The following ZNF385D variants were observed in gnomAD, a reference collection of about 807,000 sequenced individuals.
The protein encoded by ZNF385D is zinc finger protein 385D, also known as zinc finger protein 659.
In ZNF385D, 15 loss-of-function variants were observed where a neutral mutation model predicts 35.8. The observed-to-expected ratio is 0.42, with a 90% CI of 0.28 to 0.64. The LOEUF (loss-of-function observed/expected upper bound fraction) is 0.64, where lower values mean the gene tolerates loss of function less well. Among genes scored for constraint, ZNF385D ranks in the 30% least tolerant of loss-of-function variants. The pLI, the probability that ZNF385D is intolerant of heterozygous loss-of-function variation, is 0.23. For missense variants in ZNF385D, 474 were observed against 494.6 expected, an observed-to-expected ratio of 0.96 and a Z score of 0.39; for synonymous variants, 212 against 186.8, an observed-to-expected ratio of 1.13 and a Z score of -1.10.
intron 4 of ZNF385D, among the ~76,000 whole-genome samples, chr3:21,474,227 A>T (rs993629543): frequency 6.6e-6 from 1 of 151,992 alleles, no homozygotes; most frequent in African/African-American, 2.4e-5. Context: ...GGGAAACCTA[A>T]AGGAATGTCT....
In ZNF385D at chr3:22,155,422, TTCTA is replaced by T. The variant is rs1705522331; in HGVS notation, c.325+13391_325+13394del. 2.6e-5 allele frequency among the ~76,000 whole-genome samples: 4 copies of T among 152,102 alleles called. No homozygotes were observed. In the South Asian group the frequency reaches 8.3e-4, roughly 32 times the overall value. On this transcript the variant is annotated intron_variant, in intron 3 of 5. Transcript: ENST00000494108. ...GAACTAAAGAGATTTCTTAAGGAAA[TTCTA>T]TATGAAGGGAAGGAAAATATTTTAT...
At chr3:21,498,105 C>A (rs147525060) in intron 4 of ZNF385D, among the ~76,000 whole-genome samples, 1 of 151,912 alleles carries the variant, frequency 6.6e-6, no homozygotes. Context: ...TAAACAAAAA[C>A]GAGCCATGGG....
At chr3:22,124,645 T>C (rs1382732468) in intron 3 of ZNF385D, among the ~76,000 whole-genome samples, 1 of 152,156 alleles carries the variant, frequency 6.6e-6, no homozygotes, top group African/African-American at 2.4e-5. Context: ...ATCGCTGTAG[T>C]TTGGATTTGC....
At chr3:21,437,707 A>AAAACAAAAC (rs1701635961) in intron 4 of ZNF385D, among the ~76,000 whole-genome samples, 1 of 138,184 alleles carries the variant, frequency 7.2e-6, no homozygotes, top group African/African-American at 2.7e-5. Flanking sequence ...TATACAAAAA[A>AAAACAAAAC]AAAAAAAAAA....
chr3:22,191,391 G>A (rs914281225), intron 2 of ZNF385D, among the ~76,000 whole-genome samples: 10 of 151,854 alleles, frequency 6.6e-5, no homozygotes, highest in African/African-American at 2.2e-4. Flanking sequence ...GGAGGCTGAG[G>A]CAGAAGAATT....
At chr3:22,076,302 C>G (rs1269844362) in intron 3 of ZNF385D, among the ~76,000 whole-genome samples, 1 of 151,908 alleles carries the variant, frequency 6.6e-6, no homozygotes, top group Non-Finnish European at 1.5e-5. Flanking sequence ...CTTCTCATGT[C>G]CTACCCACTA....
rs199802336 is a variant in ZNF385D at position 22,020,039 on chromosome 3, C to CTG, written c.325+148777_325+148778insCA. 5.5e-3 allele frequency among the ~76,000 whole-genome samples: 840 copies of CTG among 151,778 alleles called. 8 individuals are homozygous for CTG. Among genetic ancestry groups the CTG allele is most frequent in the African/African-American group, 0.019 (769 of 41,452 alleles). ...TTAATAATTAAATTAATATTATTAA[C>CTG]TTTATTTTTAAACAAAATTCATACA... On this transcript the variant is annotated intron_variant, in intron 3 of 5. Coordinates refer to the ZNF385D transcript ENST00000494108.
intron 3 of ZNF385D, among the ~76,000 whole-genome samples, chr3:22,164,575 G>A (rs943175238): frequency 6.6e-6 from 1 of 150,646 alleles, no homozygotes; most frequent in South Asian, 2.1e-4. Flanking sequence ...AGGGCAGAGG[G>A]CTAGGTTATC....
chr3:22,102,891 T>G (rs905308896), intron 3 of ZNF385D, among the ~76,000 whole-genome samples: 3 of 140,986 alleles, frequency 2.1e-5, no homozygotes, highest in Non-Finnish European at 3.0e-5. Flanking sequence ...TGTGAATTTA[T>G]CAGGGAAAAA....
intron 2 of ZNF385D, among the ~76,000 whole-genome samples, chr3:22,241,401 T>C (rs1699486224): frequency 6.6e-6 from 1 of 151,300 alleles, no homozygotes; most frequent in Admixed American, 6.6e-5. Context: ...TATTCTATGT[T>C]CTCAGTCTCT....
chr3:21,715,404 C>G (rs2068276918), intron 1 of ZNF385D, among the ~76,000 whole-genome samples: 1 of 152,000 alleles, frequency 6.6e-6, no homozygotes, highest in African/African-American at 2.4e-5. Context: ...CAGTTCCATC[C>G]AAGTTGCTGC....
chr3:22,290,001 AG>A (rs1195933744), intron 2 of ZNF385D, among the ~76,000 whole-genome samples: 1 of 152,160 alleles, frequency 6.6e-6, no homozygotes, highest in East Asian at 1.9e-4. Flanking sequence ...TTTGAGTTTT[AG>A]CCCCTTTTCT....
In ZNF385D at chr3:21,526,299, C is replaced by A. The variant is rs145659167; in HGVS notation, c.277-15276G>T. On this transcript the variant is annotated intron_variant, in intron 3 of 7. Transcript: ENST00000281523. ...TCACCTTTGCAGGGCTGGTCCTGCA[C>A]ACAAACTTCCAAGCAGAAGGGCTAC... is the stretch of plus-strand genomic sequence containing the variant. Among the ~76,000 whole-genome samples, 316 of 152,122 alleles carry A rather than the reference C, an allele frequency of 2.1e-3. 2 individuals are homozygous for A. Among genetic ancestry groups the A allele is most frequent in the African/African-American group, 6.3e-3 (260 of 41,504 alleles).
intron 4 of ZNF385D, among the ~76,000 whole-genome samples, chr3:21,453,903 C>T (rs1702619186): frequency 6.6e-6 from 1 of 151,942 alleles, no homozygotes; most frequent in African/African-American, 2.4e-5. Flanking sequence ...TAAACTTATA[C>T]ATGTATACTC....
intron 3 of ZNF385D, among the ~76,000 whole-genome samples, chr3:22,015,854 C>G (rs1696855529): frequency 6.6e-6 from 1 of 152,074 alleles, no homozygotes; most frequent in African/African-American, 2.4e-5. Context: ...AGAGGAGCAG[C>G]CCAGGGCTGC....
intron 2 of ZNF385D, among the ~76,000 whole-genome samples, chr3:22,257,610 G>A (rs1327681089): frequency 1.3e-5 from 2 of 151,748 alleles, no homozygotes; most frequent in Non-Finnish European, 2.9e-5. Context: ...GTGGATGAAG[G>A]AAAATAATTG....
At chr3:21,880,674 G>C (rs906925410) in intron 3 of ZNF385D, among the ~76,000 whole-genome samples, 2 of 151,896 alleles carry the variant, frequency 1.3e-5, no homozygotes, top group Non-Finnish European at 2.9e-5. Flanking sequence ...CATTTCTCAC[G>C]TTAAGTCAAA....
intron 3 of ZNF385D, among the ~76,000 whole-genome samples, chr3:21,929,214 G>A (rs1179589779): frequency 6.6e-6 from 1 of 151,850 alleles, no homozygotes; most frequent in Non-Finnish European, 1.5e-5. Context: ...ATAAAATAAA[G>A]AACGAAAACC....
At chr3:21,969,642 G>C (rs1321758495) in intron 3 of ZNF385D, among the ~76,000 whole-genome samples, 1 of 152,186 alleles carries the variant, frequency 6.6e-6, no homozygotes, top group African/African-American at 2.4e-5. Flanking sequence ...ATCCTGACGA[G>C]AAGGAAACGA....
Sources: gnomAD v4.1 joint callset for allele counts (sites outside exome capture counted in the v4.1 genomes callset) on GRCh38, gnomAD v4.1.1 for gene constraint, MANE v1.5 for transcripts, NCBI Gene and HGNC (gene_info 2026-07-23, HGNC 2026-07-21) for gene names.